ARL15: variants seen among roughly 807,000 people sequenced by gnomAD.
ARL15 encodes the protein ADP-ribosylation factor-like protein 15.
A neutral mutation model predicts 25.2 loss-of-function variants in ARL15; 19 were observed. The ratio of observed to expected loss-of-function variants is 0.75; its 90% CI spans 0.53 to 1.10. ARL15 has a LOEUF of 1.10. Ranked by LOEUF, ARL15 falls within the 50% of genes least tolerant of loss-of-function variation. The probability of loss-of-function intolerance (pLI) is 0.00; values close to 1 mark genes in which losing one functional copy is unlikely to be tolerated. For synonymous variants in ARL15, 94 were observed against 86.8 expected (o/e 1.08, Z -0.46); for missense variants, 220 against 246.0 (o/e 0.89, Z 0.71).
rs80198736 is a variant in ARL15, at chr5:54,200,938, C to T, written c.49-29010G>A. On this transcript the variant is annotated intron_variant, in intron 1 of 4. Coordinates refer to ENST00000504924, the MANE Select transcript of ARL15 (RefSeq NM_019087.3). ...AGTAACAAAAAGCCTACCTTCTCAA[C>T]TAATCGGATTTACTTTCACCACTTT... 6.9e-3 allele frequency among the ~76,000 whole-genome samples: 1,051 copies of T among 152,222 alleles called. 16 individuals carry two copies. The highest frequency in any genetic ancestry group is 0.023 in the African/African-American group (951 of 41,530).
intron 4 of ARL15, among the ~76,000 whole-genome samples, chr5:53,924,675 G>A (rs1025494743): frequency 1.3e-5 from 2 of 152,110 alleles, no homozygotes; most frequent in African/African-American, 2.4e-5. Flanking sequence ...GCTGCTCACC[G>A]TAACTCCCCA....
chr5:54,121,695 TAG>T (rs1408676881), intron 3 of ARL15, among the ~76,000 whole-genome samples: 1 of 152,064 alleles, frequency 6.6e-6, no homozygotes, highest in Non-Finnish European at 1.5e-5. Context: ...AGAATGATGG[TAG>T]AGTGATGAAC....
At chr5:54,088,879 T>C (rs1752054247) in intron 4 of ARL15, among the ~76,000 whole-genome samples, 1 of 152,224 alleles carries the variant, frequency 6.6e-6, no homozygotes, top group Admixed American at 6.5e-5. Flanking sequence ...AAATTCAGGA[T>C]GGGACCAATG....
intron 1 of ARL15, among the ~76,000 whole-genome samples, chr5:54,181,061 T>G (rs532112690): frequency 3.3e-5 from 5 of 152,316 alleles, no homozygotes; most frequent in African/African-American, 1.2e-4. Context: ...TTTTAAAAGT[T>G]AGGGCATGTA....
chr5:54,261,969 A>G (rs1184418848), intron 1 of ARL15, among the ~76,000 whole-genome samples: 1 of 152,204 alleles, frequency 6.6e-6, no homozygotes, highest in Non-Finnish European at 1.5e-5. Flanking sequence ...TTTATCTGGG[A>G]TAATGTATGT....
At chr5:54,021,446 A>G (rs915753351) in intron 4 of ARL15, among the ~76,000 whole-genome samples, 2 of 152,250 alleles carry the variant, frequency 1.3e-5, no homozygotes, top group African/African-American at 4.8e-5. Context: ...GATCAAATAT[A>G]AACTTTAGAA....
At chr5:54,290,171 C>A (rs1758288057) in intron 1 of ARL15, among the ~76,000 whole-genome samples, 1 of 152,220 alleles carries the variant, frequency 6.6e-6, no homozygotes, top group Non-Finnish European at 1.5e-5. Flanking sequence ...GAGCCAGCAA[C>A]TGATGCAAAA....
At chr5:54,017,611 C>G (rs1749466717) in intron 4 of ARL15, among the ~76,000 whole-genome samples, 1 of 148,866 alleles carries the variant, frequency 6.7e-6, no homozygotes, top group Non-Finnish European at 1.5e-5. Context: ...AAAACCCAAA[C>G]CAAACCAAAG....
At chr5:54,297,490 CT>C (rs933999847) in intron 1 of ARL15, among the ~76,000 whole-genome samples, 3 of 152,196 alleles carry the variant, frequency 2.0e-5, no homozygotes, top group Admixed American at 6.5e-5. Flanking sequence ...GGTTAGCCCT[CT>C]TATGTTATGT....
At chr5:54,181,743 G>C (rs1433725101) in intron 1 of ARL15, among the ~76,000 whole-genome samples, 1 of 152,140 alleles carries the variant, frequency 6.6e-6, no homozygotes, top group Non-Finnish European at 1.5e-5. Context: ...AAACCATCCT[G>C]ATGAACATAG....
At chr5:54,248,150 T>C (rs1422821002) in intron 1 of ARL15, among the ~76,000 whole-genome samples, 1 of 152,178 alleles carries the variant, frequency 6.6e-6, no homozygotes, top group Non-Finnish European at 1.5e-5. Flanking sequence ...CCCCCAAATG[T>C]ATATGTTGAA....
chr5:54,229,983 G>A (rs1756623051), intron 1 of ARL15, among the ~76,000 whole-genome samples: 1 of 152,198 alleles, frequency 6.6e-6, no homozygotes, highest in African/African-American at 2.4e-5. Context: ...ACTGAGGAGA[G>A]ACCTGTGGTG....
At chr5:54,282,219 T>C in intron 1 of ARL15, 1 of 981,414 alleles carries the variant, frequency 1.0e-6, no homozygotes, top group Non-Finnish European at 1.2e-6. Flanking sequence ...AACACTAGGG[T>C]CTTCACTTAT....
chr5:54,305,295 T>A (rs1034669011), intron 1 of ARL15, among the ~76,000 whole-genome samples: 12 of 151,284 alleles, frequency 7.9e-5, no homozygotes, highest in Non-Finnish European at 1.8e-4. Context: ...AGGTCAGGAG[T>A]TTGAGACCAG....
intron 3 of ARL15, among the ~76,000 whole-genome samples, chr5:54,138,658 A>C (rs1311079836): frequency 2.0e-5 from 3 of 152,114 alleles, no homozygotes; most frequent in Non-Finnish European, 1.5e-5. Flanking sequence ...ACAAAAACAA[A>C]AATAAATAAA....
chr5:54,221,900 AGT>A (rs1756389108), intron 1 of ARL15, among the ~76,000 whole-genome samples: 1 of 151,872 alleles, frequency 6.6e-6, no homozygotes, highest in Non-Finnish European at 1.5e-5. Context: ...GTGCATGCAC[AGT>A]GTGTGCGCAC....
At chr5:54,259,083 T>C (rs958223085) in intron 1 of ARL15, among the ~76,000 whole-genome samples, 2 of 152,158 alleles carry the variant, frequency 1.3e-5, no homozygotes, top group African/African-American at 4.8e-5. Flanking sequence ...GAGGCCTACG[T>C]TGAATGATTA....
intron 4 of ARL15, among the ~76,000 whole-genome samples, chr5:54,054,706 C>T (rs927289740): frequency 7.4e-4 from 112 of 152,272 alleles, no homozygotes; most frequent in African/African-American, 2.6e-3. Flanking sequence ...AGGAGGATGG[C>T]GTGAACCCAG....
intron 4 of ARL15, among the ~76,000 whole-genome samples, chr5:53,995,599 C>A (rs1041533925): frequency 2.0e-5 from 3 of 152,148 alleles, no homozygotes; most frequent in African/African-American, 4.8e-5. Flanking sequence ...GATTACTCAT[C>A]TTCAAGAGTA....
Sources: allele counts gnomAD v4.1 joint callset (sites outside exome capture counted in the v4.1 genomes callset), GRCh38; gene constraint gnomAD v4.1.1; transcripts MANE v1.5; gene names NCBI Gene and HGNC (gene_info 2026-07-23, HGNC 2026-07-21).